The following RAPH1 variants were observed in gnomAD, a reference collection of about 807,000 sequenced individuals.
RAPH1 encodes the protein Ras association (RalGDS/AF-6) and pleckstrin homology domains 1.
A neutral mutation model predicts 88.1 loss-of-function variants in RAPH1; 18 were observed. That is an observed-to-expected ratio of 0.20 (90% confidence interval 0.14 to 0.30). The LOEUF is 0.30. Ranked by LOEUF, RAPH1 falls within the 10% of genes least tolerant of loss-of-function variation. The probability of loss-of-function intolerance (pLI) is 1.00; values close to 1 mark genes in which losing one functional copy is unlikely to be tolerated. For missense variants in RAPH1, 1,448 were observed against 1,543.2 expected, an observed-to-expected ratio of 0.94 and a Z score of 1.03; for synonymous variants, 587 against 559.0, an observed-to-expected ratio of 1.05 and a Z score of -0.71.
Position 203,440,338 on chromosome 2 carries a change from T to G in RAPH1, c.2852A>C (p.Asp951Ala), listed in dbSNP as rs2098502349. Reference sequence around the variant, plus strand: ...CTTTTTGCCTGGAGATCCACTTTTGTCAGGGGTAGGAGAAGCTGTGGGTGG... The same window carrying G: ...CTTTTTGCCTGGAGATCCACTTTTGGCAGGGGTAGGAGAAGCTGTGGGTGG... ...PPPPTASPTP[D>A]KSGSPGKKTS... The change falls in exon 14 of 14, where the codon GAC becomes GCC. Residue 951 changes from aspartate (D) to alanine (A), a missense_variant. Coordinates refer to ENST00000319170, the MANE Select transcript of RAPH1 (RefSeq NM_213589.3). The G allele has an allele frequency of 6.2e-7, 1 of 1,611,342 alleles. No individual in the cohort carries two copies. Among genetic ancestry groups the G allele is most frequent in the African/African-American group, 1.3e-5 (1 of 74,454 alleles).
intron 4 of RAPH1, among the ~76,000 whole-genome samples, chr2:203,478,219 A>G (rs1378011909): frequency 2.0e-5 from 3 of 151,848 alleles, no homozygotes; most frequent in Non-Finnish European, 4.4e-5. Flanking sequence ...TATTTTTAGT[A>G]GAGACGGGGT....
At chr2:203,460,347 T>C (rs1289506279) in intron 6 of RAPH1, among the ~76,000 whole-genome samples, 2 of 152,214 alleles carry the variant, frequency 1.3e-5, no homozygotes, top group African/African-American at 2.4e-5. Context: ...TTACATCTTA[T>C]AAGTTTCGAT....
chr2:203,506,746 ATATATATATATC>A (rs1252865697), intron 1 of RAPH1, among the ~76,000 whole-genome samples: 2 of 118,866 alleles, frequency 1.7e-5, no homozygotes, highest in African/African-American at 8.5e-5. Context: ...ATATATCTAT[ATATATATATATC>A]TATATATATA....
rs373947693 is a variant in RAPH1, at chr2:203,512,773, G to A, written c.1-17420C>T. ...CAAGTAGCTGGGATTACAGGCACAT[G>A]CCACCATGCCTGGCTAATTTTTTGT... is the stretch of plus-strand genomic sequence containing the variant. On this transcript the variant is annotated intron_variant, in intron 1 of 13. Transcript: ENST00000319170. Among the ~76,000 whole-genome samples the A allele has an allele frequency of 3.3e-5, 5 of 151,926 alleles. No homozygotes were observed. In the East Asian group the frequency reaches 9.7e-4, roughly 30 times the overall value.
rs1167219707 is a variant in RAPH1 at position 203,489,922 on chromosome 2, T to C, written c.394A>G (p.Thr132Ala). 6.8e-6 allele frequency: 11 copies of C among 1,614,058 alleles called. No homozygotes were observed. Among genetic ancestry groups the C allele is most frequent in the Middle Eastern group, 3.3e-4 (2 of 6,084 alleles). Residue 132 changes from threonine to alanine, a missense_variant, in exon 4 of 14, where the codon ACC becomes GCC. Thr to Ala is a moderately conservative substitution (Grantham distance 58, BLOSUM62 0). Transcript: ENST00000319170. The part of the protein sequence containing the change: ...PVSRHTLKHG[T>A]LKGLSSSSNR... Reference sequence around the variant, plus strand: ...GATGAAGAAGATAATCCTTTCAAGGTGCCATGTTTCAATGTATGTCGGCTA... The same window carrying C: ...GATGAAGAAGATAATCCTTTCAAGGCGCCATGTTTCAATGTATGTCGGCTA...
intron 1 of RAPH1, among the ~76,000 whole-genome samples, chr2:203,524,542 G>T (rs1690032807): frequency 6.6e-6 from 1 of 152,052 alleles, no homozygotes; most frequent in East Asian, 1.9e-4. Context: ...CAATAAAAAG[G>T]AACTAATCCA....
In RAPH1 at chr2:203,461,289, T is replaced by C. The variant is rs760917341; in HGVS notation, c.930A>G (p.Leu310=). Residue 310 remains leucine (L), a synonymous_variant, in exon 6 of 14, where the codon TTA becomes TTG. Coordinates refer to ENST00000319170, the MANE Select transcript of RAPH1 (RefSeq NM_213589.3). ...AAACGGTTTCTACCAGTGACCAGTCTAAACTATAACCGCAGTGGGATTTGT... is the reference window on the plus strand; with the variant it reads ...AAACGGTTTCTACCAGTGACCAGTCCAAACTATAACCGCAGTGGGATTTGT... The part of the protein sequence containing the change: ...LMDKSHCGYS[L]DWSLVETVSE... 21 of 1,609,574 alleles carry C rather than the reference T, an allele frequency of 1.3e-5. No homozygotes were observed. Among genetic ancestry groups the C allele is most frequent in the Admixed American group, 1.0e-4 (6 of 59,476 alleles).
Position 203,434,040 on chromosome 2 carries a change from A to ATCTATCTATCTATCTATC in RAPH1, c.*5396_*5397insGATAGATAGATAGATAGA, listed in dbSNP as rs1553616484. On this transcript the variant is annotated 3_prime_UTR_variant, in exon 14 of 14. Coordinates refer to ENST00000319170, the MANE Select transcript of RAPH1 (RefSeq NM_213589.3). ...GTAGTACTGAATATATCTCTCTCAT[A>ATCTATCTATCTATCTATC]TATCTATCTATCTATCTATATATAT... is the stretch of plus-strand genomic sequence containing the variant. 1 of 145,398 alleles carries ATCTATCTATCTATCTATC rather than the reference A, an allele frequency of 6.9e-6. No individual in the cohort carries two copies. The highest frequency in any genetic ancestry group is 2.2e-4 in the South Asian group (1 of 4,582). 9.0% of individuals were successfully genotyped at this position (145,398 alleles called of 1,614,324 possible).
In RAPH1 at chr2:203,434,060, A is replaced by ATCTATCTATCTATCTATCTATC. The variant is rs1241030170; in HGVS notation, c.*5376_*5377insGATAGATAGATAGATAGATAGA. The ATCTATCTATCTATCTATCTATC allele has an allele frequency of 2.1e-4, 25 of 119,442 alleles. No individual in the cohort carries two copies. The highest frequency in any genetic ancestry group is 1.9e-3 in the East Asian group (9 of 4,782). The allele number at this position is 119,442 out of a possible 1,614,324, so 7.4% of individuals were successfully genotyped here. A position where few individuals can be genotyped will look rare whatever the true frequency, so the allele number is the denominator to read the frequency against. On this transcript the variant is annotated 3_prime_UTR_variant, in exon 14 of 14. Coordinates refer to ENST00000319170, the MANE Select transcript of RAPH1 (RefSeq NM_213589.3). ...CTCATATATCTATCTATCTATCTAT[A>ATCTATCTATCTATCTATCTATC]TATATATATATATATATATAGCTTT...
intron 13 of RAPH1, 77 bp from the exon 14 acceptor site, chr2:203,441,490 G>T: frequency 2.1e-6 from 3 of 1,447,236 alleles, no homozygotes; most frequent in South Asian, 3.1e-5. Context: ...AGCTTTGATT[G>T]TGTAAAACTA....
At chr2:203,531,982 G>C (rs1690409130) in intron 1 of RAPH1, among the ~76,000 whole-genome samples, 2 of 152,136 alleles carry the variant, frequency 1.3e-5, no homozygotes, top group African/African-American at 4.8e-5. Context: ...CCCCAAAGGT[G>C]GAAACAACCC....
At chr2:203,467,410 GC>G (rs1559466145) in intron 4 of RAPH1, among the ~76,000 whole-genome samples, 1 of 151,114 alleles carries the variant, frequency 6.6e-6, no homozygotes, top group Admixed American at 6.6e-5. Flanking sequence ...AGCCATGATA[GC>G]GAAACCCCGT....
chr2:203,441,306 T>C lies in RAPH1; in HGVS notation c.1884A>G (p.Leu628=). Residue 628 remains leucine, a synonymous_variant, in exon 14 of 14, where the codon CTA becomes CTG. Coordinates refer to ENST00000319170, the MANE Select transcript of RAPH1 (RefSeq NM_213589.3). ...PYTASQPSPP[L]PPPPPPPPPP... Reference sequence around the variant, plus strand: ...GAGGAGGTGGGGGTGGCGGAGGAGGTAGAGGTGGTGAAGGCTGTGAAGCAG... The same window carrying C: ...GAGGAGGTGGGGGTGGCGGAGGAGGCAGAGGTGGTGAAGGCTGTGAAGCAG... The C allele has an allele frequency of 2.1e-6, 3 of 1,437,398 alleles. No homozygotes were observed. Among genetic ancestry groups the C allele is most frequent in the Non-Finnish European group, 2.8e-6 (3 of 1,087,906 alleles). 89.0% of individuals were successfully genotyped at this position (1,437,398 alleles called of 1,614,324 possible). A position where few individuals can be genotyped will look rare whatever the true frequency, so the allele number is the denominator to read the frequency against.
rs562895922 is a variant in RAPH1, at chr2:203,459,900, G to A, written c.1092+7C>T. The A allele has an allele frequency of 1.2e-6, 2 of 1,611,068 alleles. No individual in the cohort carries two copies. Among genetic ancestry groups the A allele is most frequent in the East Asian group, 4.5e-5 (2 of 44,798 alleles). ...AATCCTGACCTCTGTAAGTTGTTTG[G>A]TCTTACCTGTGGGTTTTTGAAAAGT... On this transcript the variant is annotated splice_region_variant and intron_variant, in intron 7 of 13. Coordinates refer to ENST00000319170, the MANE Select transcript of RAPH1 (RefSeq NM_213589.3).
Position 203,441,153 on chromosome 2 carries a change from A to G in RAPH1, c.2037T>C (p.His679=), listed in dbSNP as rs1472209495. ...TTGGCGGCTTAAACAGGGCCCCTGAATGCTGAGACGCATTCTGTAGCCGTG... is the reference window on the plus strand; with the variant it reads ...TTGGCGGCTTAAACAGGGCCCCTGAGTGCTGAGACGCATTCTGTAGCCGTG... The part of the protein sequence containing the change: ...TITRLQNASQ[H]SGALFKPPTP... The change falls in exon 14 of 14, where the codon CAT becomes CAC. Residue 679 remains histidine, a synonymous_variant. Transcript: ENST00000319170. 8.7e-6 allele frequency: 14 copies of G among 1,612,220 alleles called. No individual in the cohort carries two copies. The highest frequency in any genetic ancestry group is 3.3e-5 in the South Asian group (3 of 91,004).
chr2:203,470,526 G>A (rs1345159492), intron 4 of RAPH1, among the ~76,000 whole-genome samples: 3 of 152,234 alleles, frequency 2.0e-5, no homozygotes, highest in African/African-American at 4.8e-5. Flanking sequence ...ATCCGTGCCA[G>A]TAGGCGTGTC....
rs2098502108 is a variant in RAPH1 at position 203,440,145 on chromosome 2, C to T, written c.3045G>A (p.Lys1015=). 6.2e-7 allele frequency: 1 copy of T among 1,613,560 alleles called. No homozygotes were observed. The highest frequency in any genetic ancestry group is 1.3e-5 in the African/African-American group (1 of 74,990). ...TPPAESGSPS[K]ETLPPPAAPP... ...GTGCTGCAGGAGGTGGTAGGGTCTC[C>T]TTGCTGGGAGACCCTGATTCTGCTG... The change falls in exon 14 of 14, where the codon AAG becomes AAA. Residue 1015 remains lysine, a synonymous_variant. Transcript: ENST00000319170.
At position 203,440,607 on chromosome 2, in the gene RAPH1, GACCGAGGGC is replaced by G. The variant is rs762968031; in HGVS notation, c.2574_2582del (p.Pro859_Val861del). ...GAAACTGGCTGGCTATCTGCTTCAC[GACCGAGGGC>G]ACCGGTGACAGTGGAGAGGGAGGGG... On this transcript the variant is annotated inframe_deletion, in exon 14 of 14. Transcript: ENST00000319170. The G allele has an allele frequency of 1.2e-4, 181 of 1,556,192 alleles. 4 individuals carry two copies. The South Asian group carries it at 2.1e-3, about 18-fold the overall frequency.
chr2:203,526,189 TA>T (rs1690106242), intron 1 of RAPH1, among the ~76,000 whole-genome samples: 1 of 152,224 alleles, frequency 6.6e-6, no homozygotes, highest in African/African-American at 2.4e-5. Context: ...TATTGAAGAA[TA>T]AATTTTATTA....
Sources: allele counts gnomAD v4.1 joint callset (sites outside exome capture counted in the v4.1 genomes callset), GRCh38; gene constraint gnomAD v4.1.1; transcripts MANE v1.5; gene names NCBI Gene and HGNC (gene_info 2026-07-23, HGNC 2026-07-21).